The following CRAMP1 variants were observed in gnomAD, a reference collection of about 807,000 sequenced individuals.
The protein encoded by CRAMP1 is cramped chromatin regulator 1.
A neutral mutation model predicts 115.4 loss-of-function variants in CRAMP1; 50 were observed. That is an observed-to-expected ratio of 0.43 (90% CI 0.35 to 0.55). The LOEUF (loss-of-function observed/expected upper bound fraction) is 0.55. Ranked by LOEUF, CRAMP1 falls within the 20% of genes least tolerant of loss-of-function variation. The pLI, the probability that CRAMP1 is intolerant of heterozygous loss-of-function variation, is 0.01. For missense variants in CRAMP1, 1,679 were observed against 1,721.7 expected (o/e 0.98, Z 0.44); for synonymous variants, 866 against 745.4 (o/e 1.16, Z -2.64).
intron 6 of CRAMP1, among the ~76,000 whole-genome samples, chr16:1,651,181 G>A (rs1343889103): frequency 3.3e-5 from 5 of 151,812 alleles, no homozygotes; most frequent in African/African-American, 9.7e-5. Context: ...TCACGGAGAG[G>A]TGGACTGAGG....
chr16:1,652,042 GGACTGAGAGGTCACGGAGAGGTA>G (rs1251016950), intron 6 of CRAMP1, among the ~76,000 whole-genome samples: 1 of 152,310 alleles, frequency 6.6e-6, no homozygotes, highest in East Asian at 1.9e-4. Context: ...ACAGGGAGGT[GGACTGAGAGGTCACGGAGAGGTA>G]GACTGAGAGG....
intron 6 of CRAMP1, among the ~76,000 whole-genome samples, chr16:1,646,467 G>A (rs929013339): frequency 3.8e-4 from 58 of 152,202 alleles, no homozygotes; most frequent in African/African-American, 1.4e-3. Context: ...TCATGACACC[G>A]AGTGTCTTTC....
chr16:1,663,654 C>T (rs1270182998), intron 13 of CRAMP1, among the ~76,000 whole-genome samples: 4 of 152,046 alleles, frequency 2.6e-5, no homozygotes, highest in Non-Finnish European at 4.4e-5. Flanking sequence ...ACAAGGTGTA[C>T]GACGACCATC....
intron 10 of CRAMP1, among the ~76,000 whole-genome samples, chr16:1,658,304 G>C (rs2036793945): frequency 6.6e-6 from 1 of 152,146 alleles, no homozygotes; most frequent in South Asian, 2.1e-4. Flanking sequence ...GGGACACCAG[G>C]GTGAGTAAGC....
Position 1,625,961 on chromosome 16 carries a change from T to C in CRAMP1, c.347-12T>C, listed in dbSNP as rs1406438818. 6.4e-7 allele frequency: 1 copy of C among 1,551,486 alleles called. No individual in the cohort carries two copies. The highest frequency in any genetic ancestry group is 8.7e-7 in the Non-Finnish European group (1 of 1,146,920). ...TCTGGAACAGATCACTGTACGGTGC[T>C]TTCTCTCCAAGGAGCTGAAGGTGGT... On this transcript the variant is annotated splice_polypyrimidine_tract_variant and intron_variant, in intron 2 of 20. Coordinates refer to ENST00000397412, the MANE Select transcript of CRAMP1 (RefSeq NM_020825.4).
chr16:1,618,766 A>T (rs1002711441), intron 2 of CRAMP1, among the ~76,000 whole-genome samples: 7 of 152,178 alleles, frequency 4.6e-5, no homozygotes, highest in African/African-American at 1.7e-4. Context: ...GCTACTCAGG[A>T]GGCTGAGGTG....
At chr16:1,633,697 A>T (rs1157352018) in intron 4 of CRAMP1, among the ~76,000 whole-genome samples, 1 of 152,186 alleles carries the variant, frequency 6.6e-6, no homozygotes, top group Admixed American at 6.5e-5. Context: ...TGCCTTCCAG[A>T]GTGGCACGCA....
At position 1,656,620 on chromosome 16, in the gene CRAMP1, C is replaced by T. The variant is rs746219224; in HGVS notation, c.1863C>T (p.Pro621=). The change falls in exon 10 of 21, where the codon CCC becomes CCT. Residue 621 remains proline (P), a synonymous_variant. Coordinates refer to ENST00000397412, the MANE Select transcript of CRAMP1 (RefSeq NM_020825.4). The surrounding 1 kb of genome is among the most constrained non-coding windows in gnomAD (Gnocchi z 5.6). ...CTGGCCCATCCCCGAGGCCCGGCCCCGGGCTCCTGCTGGATGTTTGCACTA... is the reference window on the plus strand; with the variant it reads ...CTGGCCCATCCCCGAGGCCCGGCCCTGGGCTCCTGCTGGATGTTTGCACTA... ...APTGPSPRPG[P]GLLLDVCTKD... 1.2e-5 allele frequency: 19 copies of T among 1,575,582 alleles called. No individual in the cohort carries two copies. Among genetic ancestry groups the T allele is most frequent in the East Asian group, 1.2e-4 (5 of 42,594 alleles).
Position 1,641,053 on chromosome 16 carries a change from A to G in CRAMP1, c.779-86A>G, listed in dbSNP as rs140183695. ...ATATTCGGTAATGGGATTTGAGTCTATATTGAGCGGAATTGTATGGGAATC... is the reference window on the plus strand; with the variant it reads ...ATATTCGGTAATGGGATTTGAGTCTGTATTGAGCGGAATTGTATGGGAATC... On this transcript the variant is annotated intron_variant, in intron 5 of 20. Transcript: ENST00000397412. 343 of 894,528 alleles carry G rather than the reference A, an allele frequency of 3.8e-4. No individual in the cohort carries two copies. The African/African-American group carries it at 4.7e-3, about 12-fold the overall frequency. The allele number at this position is 894,528 out of a possible 1,614,324, so 55.4% of individuals were successfully genotyped here. A position where few individuals can be genotyped will look rare whatever the true frequency, so the allele number is the denominator to read the frequency against.
intron 11 of CRAMP1, 105 bp downstream of exon 11, chr16:1,660,168 A>G: frequency 1.0e-6 from 1 of 986,990 alleles, no homozygotes; most frequent in Non-Finnish European, 1.4e-6. Flanking sequence ...CTGAGGCCGG[A>G]CCCCACTGGC....
intron 5 of CRAMP1, among the ~76,000 whole-genome samples, chr16:1,638,815 G>GTGTGGGTCAGCA (rs1555499517): frequency 6.6e-6 from 1 of 151,912 alleles, no homozygotes; most frequent in Non-Finnish European, 1.5e-5. Flanking sequence ...TCCCCTTGCT[G>GTGTGGGTCAGCA]CCCCTCCATG....
intron 13 of CRAMP1, 36 bp from the exon 14 acceptor site, chr16:1,665,021 T>C: frequency 7.0e-7 from 1 of 1,426,468 alleles, no homozygotes; most frequent in Non-Finnish European, 9.9e-7. Flanking sequence ...GGTATGGGAG[T>C]TTCATCACCT....
chr16:1,672,628 T>C lies in CRAMP1; in HGVS notation c.3646-1253T>C, dbSNP rs1036572877. Among the ~76,000 whole-genome samples the C allele has an allele frequency of 6.6e-6, 1 of 152,262 alleles. No individual in the cohort carries two copies. The highest frequency in any genetic ancestry group is 2.4e-5 in the African/African-American group (1 of 41,466). On this transcript the variant is annotated intron_variant, in intron 20 of 20. Coordinates refer to ENST00000397412, the MANE Select transcript of CRAMP1 (RefSeq NM_020825.4). This position sits in a 1 kb window ranked among gnomAD's most constrained non-coding sequence, Gnocchi z 4.9. Reference sequence around the variant, plus strand: ...TAAAATTTCATTTACGCCATAGCTCTATTCAGAATTTTCCAGACTTCTTGC... The same window carrying C: ...TAAAATTTCATTTACGCCATAGCTCCATTCAGAATTTTCCAGACTTCTTGC...
chr16:1,669,474 C>T lies in CRAMP1; in HGVS notation c.3499+309C>T, dbSNP rs1185919285. On this transcript the variant is annotated intron_variant, in intron 19 of 20. Coordinates refer to ENST00000397412, the MANE Select transcript of CRAMP1 (RefSeq NM_020825.4). The surrounding 1 kb of genome is among the most constrained non-coding windows in gnomAD (Gnocchi z 4.6). ...GTTCTGTGTGCCTTCCCAGTCTGTT[C>T]AGCTAGCCCGGCCCCTCCCGACTGG... Among the ~76,000 whole-genome samples, 1 of 152,188 alleles carries T rather than the reference C, an allele frequency of 6.6e-6. No individual in the cohort carries two copies. The highest frequency in any genetic ancestry group is 1.5e-5 in the Non-Finnish European group (1 of 68,030).
chr16:1,612,736 G>T (rs1245524972), intron 1 of CRAMP1, among the ~76,000 whole-genome samples, 79 bp downstream of exon 1: 1 of 152,154 alleles, frequency 6.6e-6, no homozygotes, highest in South Asian at 2.1e-4. Flanking sequence ...GAGAGCGCGG[G>T]GGGGGCGTCG....
Position 1,656,649 on chromosome 16 carries a change from A to T in CRAMP1, c.1892A>T (p.Asp631Val), listed in dbSNP as rs1441911598. 6.3e-7 allele frequency: 1 copy of T among 1,578,140 alleles called. No individual in the cohort carries two copies. Among genetic ancestry groups the T allele is most frequent in the Non-Finnish European group, 8.6e-7 (1 of 1,163,236 alleles). The change falls in exon 10 of 21, where the codon GAC (aspartate) becomes GTC (valine). Residue 631 changes from aspartate to valine, a missense_variant. Asp to Val is a radical substitution (Grantham distance 152). Coordinates refer to ENST00000397412, the MANE Select transcript of CRAMP1 (RefSeq NM_020825.4). This position sits in a 1 kb window ranked among gnomAD's most constrained non-coding sequence, Gnocchi z 5.6. ...PGLLLDVCTK[D>V]LADAPAEELQ... ...CTCCTGCTGGATGTTTGCACTAAAG[A>T]CTTGGCAGATGCACCTGCGGAGGAG... is the stretch of plus-strand genomic sequence containing the variant.
intron 6 of CRAMP1, chr16:1,646,938 A>G (rs946901585): frequency 6.1e-6 from 4 of 653,984 alleles, no homozygotes; most frequent in Non-Finnish European, 1.1e-5. Flanking sequence ...CATCCTTGTC[A>G]AACATCAGTT....
In CRAMP1 at chr16:1,669,040, G is replaced by T. The variant is rs200956828; in HGVS notation, c.3374G>T (p.Ser1125Ile). ...VPLSPAKLNG[S>I]DSSKSLPSPS... ...CTTTCTCCAGCAAAACTGAATGGCAGTGACAGTTCCAAGAGCCTTCCCTCC... is the reference window on the plus strand; with the variant it reads ...CTTTCTCCAGCAAAACTGAATGGCATTGACAGTTCCAAGAGCCTTCCCTCC... Residue 1125 changes from serine (S) to isoleucine (I), a missense_variant, in exon 19 of 21, where the codon AGT becomes ATT. Physicochemically the swap from Ser to Ile is moderately radical, Grantham distance 142. This residue lies in a region of CRAMP1 where 709 missense variants were observed against 741.9 expected (regional missense o/e 0.96). Transcript: ENST00000397412. This position sits in a 1 kb window ranked among gnomAD's most constrained non-coding sequence, Gnocchi z 4.6. 3.5e-5 allele frequency: 57 copies of T among 1,613,402 alleles called. No individual in the cohort carries two copies. The African/African-American group carries it at 7.3e-4, about 21-fold the overall frequency.
At chr16:1,663,723 C>CA (rs1392663607) in intron 13 of CRAMP1, among the ~76,000 whole-genome samples, 3 of 152,192 alleles carry the variant, frequency 2.0e-5, no homozygotes, top group African/African-American at 4.8e-5. Context: ...CCTATGAACT[C>CA]ACGTTGCCTT....
Sources: allele counts gnomAD v4.1 joint callset (sites outside exome capture counted in the v4.1 genomes callset), GRCh38; gene constraint gnomAD v4.1.1; regional missense constraint gnomAD v4.1.1; non-coding constraint Gnocchi (gnomAD v3.1); transcripts MANE v1.5; gene names NCBI Gene and HGNC (gene_info 2026-07-23, HGNC 2026-07-21).